The following SEMA3A variants were observed in gnomAD, a reference collection of about 807,000 sequenced individuals.
SEMA3A encodes semaphorin-3A.
A neutral mutation model predicts 97.9 loss-of-function variants in SEMA3A; 29 were observed. That is an observed-to-expected ratio of 0.30 (90% confidence interval 0.22 to 0.40). SEMA3A has a LOEUF of 0.40. Ranked by LOEUF, SEMA3A falls within the 10% of genes least tolerant of loss-of-function variation. The pLI, the probability that SEMA3A is intolerant of heterozygous loss-of-function variation, is 1.00. For missense variants in SEMA3A, 763 were observed against 951.3 expected (o/e 0.80, Z 2.60); for synonymous variants, 321 against 323.7 (o/e 0.99, Z 0.09).
intron 13 of SEMA3A, among the ~76,000 whole-genome samples, chr7:83,982,043 G>C (rs1456244830): frequency 6.6e-6 from 1 of 152,018 alleles, no homozygotes; most frequent in Non-Finnish European, 1.5e-5. Flanking sequence ...CTTTTAAAAA[G>C]ACTACTAAAT....
rs938516186 is a variant in SEMA3A, at chr7:83,993,151, T to A, written c.1453-7674A>T. On this transcript the variant is annotated intron_variant, in intron 12 of 16. Coordinates refer to ENST00000265362, the MANE Select transcript of SEMA3A (RefSeq NM_006080.3). ...ACTAGGATTGCAACCCCTGCCTTTT[T>A]TTGTTTTCCATTTGCTTGGTAGATC... 1.1e-4 allele frequency among the ~76,000 whole-genome samples: 15 copies of A among 140,458 alleles called. 1 individual carries two copies. The highest frequency in any genetic ancestry group is 1.7e-4 in the Non-Finnish European group (11 of 65,014). 92.1% of individuals were successfully genotyped at this position (140,458 alleles called of 152,430 possible).
intron 2 of SEMA3A, among the ~76,000 whole-genome samples, chr7:84,308,526 G>A (rs1037342346): frequency 4.6e-5 from 7 of 152,130 alleles, no homozygotes; most frequent in East Asian, 3.9e-4. Flanking sequence ...GACTCATCTG[G>A]GTGGATATTG....
At chr7:84,252,724 T>G (rs1012000333) in intron 3 of SEMA3A, among the ~76,000 whole-genome samples, 1 of 152,230 alleles carries the variant, frequency 6.6e-6, no homozygotes, top group African/African-American at 2.4e-5. Flanking sequence ...ACATGTTATT[T>G]CACTCTCTCA....
intron 3 of SEMA3A, among the ~76,000 whole-genome samples, chr7:84,268,957 C>T (rs1207963806): frequency 2.0e-5 from 3 of 152,160 alleles, no homozygotes; most frequent in Non-Finnish European, 4.4e-5. Flanking sequence ...ACTCCTCCTC[C>T]TGCTAGCAAA....
chr7:84,024,816 G>A (rs998990770), intron 6 of SEMA3A, among the ~76,000 whole-genome samples: 4 of 152,120 alleles, frequency 2.6e-5, no homozygotes, highest in African/African-American at 7.2e-5. Context: ...GATCAGGTGC[G>A]GTGGCTCATG....
intron 12 of SEMA3A, among the ~76,000 whole-genome samples, chr7:83,988,068 G>A (rs1241006936): frequency 6.6e-6 from 1 of 151,906 alleles, no homozygotes; most frequent in Non-Finnish European, 1.5e-5. Context: ...ATTATGCCTT[G>A]GAATTCTTTA....
intron 12 of SEMA3A, among the ~76,000 whole-genome samples, chr7:83,994,885 C>T (rs1040189944): frequency 2.0e-5 from 3 of 152,130 alleles, no homozygotes; most frequent in African/African-American, 4.8e-5. Context: ...CTAATCAAGC[C>T]TGGGCAATGG....
chr7:84,491,636 C>T (rs1304673698), intron 1 of SEMA3A, among the ~76,000 whole-genome samples: 1 of 151,988 alleles, frequency 6.6e-6, no homozygotes, highest in Non-Finnish European at 1.5e-5. Flanking sequence ...AAAAGATTCC[C>T]CATAGCCAAG....
chr7:84,361,950 G>A (rs1802733203), intron 2 of SEMA3A, among the ~76,000 whole-genome samples: 1 of 151,808 alleles, frequency 6.6e-6, no homozygotes, highest in Non-Finnish European at 1.5e-5. Flanking sequence ...TTGAATTCTT[G>A]AAAACAGATT....
At position 83,959,733 on chromosome 7, in the gene SEMA3A, A is replaced by C. The variant is rs545568137; in HGVS notation, c.*1638T>G. On this transcript the variant is annotated 3_prime_UTR_variant, in exon 17 of 17. Transcript: ENST00000265362. The stretch of plus-strand genomic sequence containing the variant: ...TGTTGCTTCATTAATTACTAATAAG[A>C]TGTTTTCTTTGCATTTTTGTGCATG... 4.6e-5 allele frequency: 7 copies of C among 152,208 alleles called. No individual in the cohort carries two copies. Among genetic ancestry groups the C allele is most frequent in the Non-Finnish European group, 1.0e-4 (7 of 67,952 alleles). The allele number at this position is 152,208 out of a possible 1,614,324, so 9.4% of individuals were successfully genotyped here. A position where few individuals can be genotyped will look rare whatever the true frequency, so the allele number is the denominator to read the frequency against.
At chr7:83,983,987 C>T (rs939634927) in intron 13 of SEMA3A, among the ~76,000 whole-genome samples, 19 of 152,032 alleles carry the variant, frequency 1.2e-4, no homozygotes, top group African/African-American at 4.3e-4. Context: ...TCATTTCTTC[C>T]AGTAATGGAA....
intron 12 of SEMA3A, among the ~76,000 whole-genome samples, chr7:83,990,715 A>G (rs1271385564): frequency 8.5e-6 from 1 of 117,940 alleles, no homozygotes; most frequent in Non-Finnish European, 1.8e-5. Context: ...TGTTTTGGTT[A>G]CTGTAGCCTT....
intron 2 of SEMA3A, among the ~76,000 whole-genome samples, chr7:84,327,323 CA>C (rs1358506110): frequency 6.6e-6 from 1 of 151,090 alleles, no homozygotes; most frequent in Admixed American, 6.6e-5. Flanking sequence ...TTGGAATAAT[CA>C]GGGGGCACTT....
intron 12 of SEMA3A, among the ~76,000 whole-genome samples, chr7:83,992,555 T>C (rs1360324068): frequency 2.0e-5 from 3 of 152,206 alleles, no homozygotes; most frequent in East Asian, 3.9e-4. Context: ...CATCTTTATG[T>C]CTGCCTTCAT....
chr7:84,450,069 C>G (rs1166644074), intron 1 of SEMA3A, among the ~76,000 whole-genome samples: 1 of 152,106 alleles, frequency 6.6e-6, no homozygotes, highest in African/African-American at 2.4e-5. Context: ...CTTCCAGATT[C>G]TGACTTCAAT....
chr7:84,413,085 A>G (rs995960252), intron 1 of SEMA3A, among the ~76,000 whole-genome samples: 2 of 152,110 alleles, frequency 1.3e-5, no homozygotes, highest in Admixed American at 6.6e-5. Flanking sequence ...TAATTTTTCT[A>G]TACATGCTTC....
At chr7:84,131,690 G>A (rs539875014) in intron 2 of SEMA3A, among the ~76,000 whole-genome samples, 13 of 152,202 alleles carry the variant, frequency 8.5e-5, no homozygotes, top group Admixed American at 2.0e-4. Context: ...CACAATAGGC[G>A]CTTAGAAGAA....
intron 3 of SEMA3A, among the ~76,000 whole-genome samples, chr7:84,303,551 GA>G (rs35467487): frequency 5.6e-4 from 79 of 141,964 alleles, no homozygotes; most frequent in Middle Eastern, 3.6e-3. Flanking sequence ...GTCTTCATTT[GA>G]AAAAAAAAAA....
At chr7:84,395,589 T>A (rs1218824462) in intron 1 of SEMA3A, among the ~76,000 whole-genome samples, 1 of 137,054 alleles carries the variant, frequency 7.3e-6, no homozygotes, top group East Asian at 2.0e-4. Context: ...GATAATTGAA[T>A]CATGGGGGGA....
Sources: allele counts gnomAD v4.1 joint callset (sites outside exome capture counted in the v4.1 genomes callset), GRCh38; gene constraint gnomAD v4.1.1; transcripts MANE v1.5; gene names NCBI Gene and HGNC (gene_info 2026-07-23, HGNC 2026-07-21).